Variants in HCN2 observed in about 807,000 individuals in gnomAD.
HCN2 encodes potassium/sodium hyperpolarization-activated cyclic nucleotide-gated channel 2.
Under a neutral mutation model 52.3 loss-of-function variants are expected in HCN2, and 20 were observed. The ratio of observed to expected loss-of-function variants is 0.38; its 90% confidence interval spans 0.27 to 0.56. The LOEUF (loss-of-function observed/expected upper bound fraction) is 0.56, where lower values mean the gene tolerates loss of function less well. HCN2 is among the 20% of genes least tolerant of loss of function. HCN2 has a pLI of 0.71. For missense variants in HCN2, 981 were observed against 1,207.7 expected (o/e 0.81, Z 2.78); for synonymous variants, 694 against 537.0 (o/e 1.29, Z -4.04).
At chr19:612,989 C>G (rs1298041035) in intron 5 of HCN2, among the ~76,000 whole-genome samples, 1 of 152,202 alleles carries the variant, frequency 6.6e-6, no homozygotes, top group Non-Finnish European at 1.5e-5. Flanking sequence ...CTCCTTTCCA[C>G]CGCTCTTGTC....
intron 5 of HCN2, among the ~76,000 whole-genome samples, chr19:611,350 G>A (rs566028747): frequency 3.7e-4 from 56 of 152,322 alleles, no homozygotes; most frequent in South Asian, 1.0e-3. Flanking sequence ...TCTGGGAAGC[G>A]GGGAGGGACG....
At position 590,119 on chromosome 19, in the gene HCN2, C is replaced by G; in HGVS notation, c.174C>G (p.Ala58=). 2.3e-6 allele frequency: 2 copies of G among 877,354 alleles called. No individual in the cohort carries two copies. The highest frequency in any genetic ancestry group is 2.7e-6 in the Non-Finnish European group (2 of 736,232). The allele number at this position is 877,354 out of a possible 1,614,324, so 54.3% of individuals were successfully genotyped here. ...CGCCCCCCCAGCACCCGCCCCGGGCCGAGGCGTTGCCCCCGGAGGCGGCGG... is the reference window on the plus strand; with the variant it reads ...CGCCCCCCCAGCACCCGCCCCGGGCGGAGGCGTTGCCCCCGGAGGCGGCGG... ...GPAPPQHPPR[A]EALPPEAADE... is the part of the protein sequence containing the mutation. Residue 58 remains alanine, a synonymous_variant, in exon 1 of 8, where the codon GCC becomes GCG. Transcript: ENST00000251287. The surrounding 1 kb of genome is among the most constrained non-coding windows in gnomAD (Gnocchi z 7.2).
intron 3 of HCN2, among the ~76,000 whole-genome samples, chr19:607,628 A>G (rs117359794): frequency 0.076 from 11,609 of 152,158 alleles, 731 homozygotes; most frequent in Admixed American, 0.19. Flanking sequence ...GCTCTGGCCC[A>G]GATGCTCCCT....
Position 613,974 on chromosome 19 carries a change from C to T in HCN2, c.1948C>T (p.Arg650Cys), listed in dbSNP as rs773252175. 2 of 1,522,012 alleles carry T rather than the reference C, an allele frequency of 1.3e-6. No homozygotes were observed. Among genetic ancestry groups the T allele is most frequent in the South Asian group, 1.1e-5 (1 of 87,704 alleles). 94.3% of individuals were successfully genotyped at this position (1,522,012 alleles called of 1,614,324 possible). A position where few individuals can be genotyped will look rare whatever the true frequency, so the allele number is the denominator to read the frequency against. ...GCTGGAGGAGTACCCCATGATGCGGCGCGCCTTCGAGACGGTGGCCATCGA... is the reference window on the plus strand; with the variant it reads ...GCTGGAGGAGTACCCCATGATGCGGTGCGCCTTCGAGACGGTGGCCATCGA... ...EVLEEYPMMR[R>C]AFETVAIDRL... The change falls in exon 7 of 8, where the codon CGC becomes TGC. Residue 650 changes from arginine (R) to cysteine (C), a missense_variant. Physicochemically the swap from Arg to Cys is radical, Grantham distance 180. Coordinates refer to ENST00000251287, the MANE Select transcript of HCN2 (RefSeq NM_001194.4).
At chr19:606,289 C>T (rs1394770803) in intron 3 of HCN2, among the ~76,000 whole-genome samples, 4 of 151,960 alleles carry the variant, frequency 2.6e-5, no homozygotes, top group East Asian at 2.0e-4. Context: ...TTAGTAGAGA[C>T]GGGGTCTCGC....
chr19:599,123 T>C (rs1357877933), intron 1 of HCN2, among the ~76,000 whole-genome samples: 2 of 152,272 alleles, frequency 1.3e-5, no homozygotes, highest in Non-Finnish European at 2.9e-5. Flanking sequence ...GCTGGGTCCC[T>C]TCCAGCGTTT....
intron 4 of HCN2, among the ~76,000 whole-genome samples, chr19:610,001 C>T (rs542788387): frequency 2.3e-4 from 35 of 152,338 alleles, no homozygotes; most frequent in Admixed American, 5.2e-4. Flanking sequence ...CTGTGTGTGG[C>T]GGAGGCCTGT....
At chr19:614,683 AG>A (rs1284065922) in intron 7 of HCN2, among the ~76,000 whole-genome samples, 4 of 151,994 alleles carry the variant, frequency 2.6e-5, no homozygotes, top group South Asian at 2.1e-4. Flanking sequence ...AGTGGGCGGC[AG>A]GGAGAGTTTA....
chr19:615,630 C>T (rs1341189421), intron 7 of HCN2, among the ~76,000 whole-genome samples, 165 bp from the exon 8 acceptor site: 1 of 152,204 alleles, frequency 6.6e-6, no homozygotes, highest in Non-Finnish European at 1.5e-5. Context: ...ATACTATAGG[C>T]CAGAGATGCT....
At chr19:613,720 G>GCCGGCACCGGCA (rs1555732154) in intron 6 of HCN2, 132 bp from the exon 7 acceptor site, 29,114 of 455,980 alleles carry the variant, frequency 0.064, 5,579 homozygotes, top group Middle Eastern at 0.15. Flanking sequence ...TGGGGCCGGG[G>GCCGGCACCGGCA]CCGGCACCAG....
chr19:597,941 G>C (rs142944158), intron 1 of HCN2, among the ~76,000 whole-genome samples: 13 of 152,346 alleles, frequency 8.5e-5, no homozygotes, highest in African/African-American at 1.7e-4. Flanking sequence ...CGCCCCTCGT[G>C]GGGGAGGTTT....
chr19:615,586 T>C (rs1308045076), intron 7 of HCN2, among the ~76,000 whole-genome samples: 3 of 152,344 alleles, frequency 2.0e-5, no homozygotes, highest in South Asian at 2.1e-4. Flanking sequence ...GCATAGCAGG[T>C]GCTCAGCCTG....
chr19:607,906 C>A, intron 3 of HCN2, 58 bp from the exon 4 acceptor site: 1 of 1,390,710 alleles, frequency 7.2e-7, no homozygotes, highest in Non-Finnish European at 1.0e-6. Context: ...CCTTGAGGAC[C>A]GAGGGCTCCT....
At chr19:607,921 C>T (rs769739657) in intron 3 of HCN2, 43 bp from the exon 4 acceptor site, 12 of 1,506,616 alleles carry the variant, frequency 8.0e-6, no homozygotes, top group East Asian at 4.6e-5. Context: ...GCTCCTGGGG[C>T]GTGAGCACCT....
chr19:590,461 G>T lies in HCN2; in HGVS notation c.516G>T (p.Gln172His). ...AGCGCCAGTTCGGCGCGCTCCTGCA[G>T]CCGGGCGTCAACAAGTTCTCGCTGC... ...FMQRQFGALL[Q>H]PGVNKFSLRM... Residue 172 changes from glutamine to histidine, a missense_variant, in exon 1 of 8, where the codon CAG (glutamine) becomes CAT (histidine). Gln to His is a conservative substitution (Grantham distance 24, BLOSUM62 0). Around this residue, in one of 6 missense-constraint regions of HCN2, gnomAD observed 8 missense variants for 33.2 expected, o/e 0.24. Transcript: ENST00000251287. This position sits in a 1 kb window ranked among gnomAD's most constrained non-coding sequence, Gnocchi z 7.2. 6.6e-7 allele frequency: 1 copy of T among 1,515,458 alleles called. No individual in the cohort carries two copies. Among genetic ancestry groups the T allele is most frequent in the Non-Finnish European group, 8.9e-7 (1 of 1,126,354 alleles). 93.9% of individuals were successfully genotyped at this position (1,515,458 alleles called of 1,614,324 possible). A position where few individuals can be genotyped will look rare whatever the true frequency, so the allele number is the denominator to read the frequency against.
Position 610,418 on chromosome 19 carries a change from C to T in HCN2, c.1584+13C>T, listed in dbSNP as rs777303035. 1.2e-6 allele frequency: 2 copies of T among 1,610,604 alleles called. No homozygotes were observed. The highest frequency in any genetic ancestry group is 2.2e-5 in the East Asian group (1 of 44,852). ...GCCCCTGCGGGAGGTGAGGCGGGCG[C>T]CGGGCGGGCGGGAGGCAGCCTCCGG... On this transcript the variant is annotated intron_variant, in intron 5 of 7. Transcript: ENST00000251287.
At chr19:601,078 G>A (rs115746594) in intron 1 of HCN2, among the ~76,000 whole-genome samples, 1 of 152,102 alleles carries the variant, frequency 6.6e-6, no homozygotes, top group African/African-American at 2.4e-5. Context: ...ACTTTGCGAG[G>A]CCTAGGCAGA....
rs1421235049 is a variant in HCN2, at chr19:592,756, G to T, written c.632+2179G>T. Among the ~76,000 whole-genome samples, 1 of 152,138 alleles carries T rather than the reference G, an allele frequency of 6.6e-6. No homozygotes were observed. Among genetic ancestry groups the T allele is most frequent in the Non-Finnish European group, 1.5e-5 (1 of 68,014 alleles). ...AATCAGTGTGGAAAAAGACCCCCAA[G>T]AATATCTCAAAAGCTCCCTAAGCAG... On this transcript the variant is annotated intron_variant, in intron 1 of 7. Transcript: ENST00000251287. This position sits in a 1 kb window ranked among gnomAD's most constrained non-coding sequence, Gnocchi z 4.8.
At chr19:596,172 G>A (rs772323065) in intron 1 of HCN2, among the ~76,000 whole-genome samples, 16 of 152,256 alleles carry the variant, frequency 1.1e-4, no homozygotes, top group Admixed American at 5.9e-4. Context: ...GAACTTCAGG[G>A]GAAGAACCCT....
Sources: gnomAD v4.1 joint callset for allele counts (sites outside exome capture counted in the v4.1 genomes callset) on GRCh38, gnomAD v4.1.1 for gene constraint, gnomAD v4.1.1 regional missense constraint, Gnocchi (gnomAD v3.1) non-coding constraint, MANE v1.5 for transcripts, NCBI Gene and HGNC (gene_info 2026-07-23, HGNC 2026-07-21) for gene names.